The following HPSE2 variants were observed in gnomAD, a reference collection of about 807,000 sequenced individuals.
The protein encoded by HPSE2 is inactive heparanase-2.
In HPSE2, 38 loss-of-function variants were observed where a neutral mutation model predicts 60.5. The observed-to-expected ratio is 0.63, with a 90% CI of 0.48 to 0.82. HPSE2 has a LOEUF of 0.82. HPSE2 is among the 40% of genes least tolerant of loss of function. The probability of loss-of-function intolerance (pLI) is 0.00; values close to 1 mark genes in which losing one functional copy is unlikely to be tolerated. For missense variants in HPSE2, 713 were observed against 740.4 expected, an observed-to-expected ratio of 0.96 and a Z score of 0.43; for synonymous variants, 295 against 293.2, an observed-to-expected ratio of 1.01 and a Z score of -0.06.
chr10:98,872,377 G>A (rs1456029477), intron 3 of HPSE2, among the ~76,000 whole-genome samples: 1 of 152,048 alleles, frequency 6.6e-6, no homozygotes, highest in Non-Finnish European at 1.5e-5. Context: ...CAGCATTAGC[G>A]TGAGGCAGAG....
intron 9 of HPSE2, among the ~76,000 whole-genome samples, chr10:98,527,704 T>G (rs563974114): frequency 8.5e-5 from 13 of 152,332 alleles, no homozygotes; most frequent in Admixed American, 3.9e-4. Context: ...GACTCTGAGC[T>G]CCTTGAGAGT....
intron 3 of HPSE2, among the ~76,000 whole-genome samples, chr10:99,074,506 C>T: frequency 6.6e-6 from 1 of 151,956 alleles, no homozygotes; most frequent in Non-Finnish European, 1.5e-5. Flanking sequence ...GGATATTGGC[C>T]AGTAGTTTTC....
intron 3 of HPSE2, among the ~76,000 whole-genome samples, chr10:99,125,894 TA>T: frequency 6.6e-6 from 1 of 152,156 alleles, no homozygotes; most frequent in South Asian, 2.1e-4. Context: ...CAAGTAGAAT[TA>T]GGGAGGGGCT....
chr10:98,596,530 G>A (rs1245433584), intron 9 of HPSE2, among the ~76,000 whole-genome samples: 1 of 151,618 alleles, frequency 6.6e-6, no homozygotes, highest in African/African-American at 2.4e-5. Context: ...AGGTCTAGTG[G>A]TAATAATGAA....
intron 3 of HPSE2, among the ~76,000 whole-genome samples, chr10:98,837,735 G>A (rs371338898): frequency 2.6e-5 from 4 of 152,088 alleles, no homozygotes; most frequent in African/African-American, 7.2e-5. Context: ...TTAGCCGGGC[G>A]TGGTGGCGGG....
intron 9 of HPSE2, among the ~76,000 whole-genome samples, chr10:98,544,199 T>G (rs558319096): frequency 6.6e-6 from 1 of 152,130 alleles, no homozygotes; most frequent in African/African-American, 2.4e-5. Context: ...CTCAAGTACA[T>G]GGAAGCTGAA....
intron 3 of HPSE2, among the ~76,000 whole-genome samples, chr10:99,012,032 T>C (rs1290438608): frequency 2.0e-5 from 3 of 151,886 alleles, no homozygotes; most frequent in Non-Finnish European, 2.9e-5. Flanking sequence ...TCAGAAAACA[T>C]ACCTTACTTT....
At chr10:98,715,888 G>C (rs569566748) in intron 5 of HPSE2, among the ~76,000 whole-genome samples, 31 of 151,944 alleles carry the variant, frequency 2.0e-4, no homozygotes, top group African/African-American at 7.2e-4. Context: ...AAAACAACAG[G>C]GATGTTTGCC....
chr10:98,462,325 T>C (rs903182181), intron 11 of HPSE2, among the ~76,000 whole-genome samples: 10 of 152,100 alleles, frequency 6.6e-5, no homozygotes, highest in Non-Finnish European at 2.9e-5. Flanking sequence ...ACTACAGGCA[T>C]GTGCCACCAC....
At chr10:98,653,275 GTTAAGT>G (rs972294317) in intron 6 of HPSE2, among the ~76,000 whole-genome samples, 2 of 151,992 alleles carry the variant, frequency 1.3e-5, no homozygotes, top group Non-Finnish European at 1.5e-5. Context: ...GCAACATATG[GTTAAGT>G]TTGTTTTTAT....
intron 3 of HPSE2, among the ~76,000 whole-genome samples, chr10:98,977,949 C>CTA (rs1956123024): frequency 9.5e-6 from 1 of 104,904 alleles, no homozygotes; most frequent in Non-Finnish European, 2.4e-5. Flanking sequence ...TTTTATATAC[C>CTA]CATGATTATA....
chr10:98,694,050 G>T, intron 5 of HPSE2, 103 bp from the exon 6 acceptor site: 1 of 941,006 alleles, frequency 1.1e-6, no homozygotes, highest in Non-Finnish European at 1.7e-6. Flanking sequence ...TCCTTAAGCA[G>T]GTATGCTTTC....
Position 99,123,489 on chromosome 10 carries a change from G to A in HPSE2, c.610+20749C>T, listed in dbSNP as rs914769015. Reference sequence around the variant, plus strand: ...TTAAAAACAGCACTAAAGGCAGAGCGTGGTTTCAGCTCTTCTCTCCTTATC... The same window carrying A: ...TTAAAAACAGCACTAAAGGCAGAGCATGGTTTCAGCTCTTCTCTCCTTATC... On this transcript the variant is annotated intron_variant, in intron 3 of 11. Transcript: ENST00000370552. Among the ~76,000 whole-genome samples, 27 of 152,204 alleles carry A rather than the reference G, an allele frequency of 1.8e-4. 1 individual carries two copies. Among genetic ancestry groups the A allele is most frequent in the African/African-American group, 4.3e-4 (18 of 41,452 alleles).
At chr10:99,113,556 TA>T (rs1259022029) in intron 3 of HPSE2, among the ~76,000 whole-genome samples, 4 of 152,186 alleles carry the variant, frequency 2.6e-5, no homozygotes, top group Non-Finnish European at 5.9e-5. Context: ...AATTTTAAAT[TA>T]ATCAGCTGAA....
intron 3 of HPSE2, among the ~76,000 whole-genome samples, chr10:98,898,276 T>C (rs577010710): frequency 4.6e-5 from 7 of 152,148 alleles, no homozygotes; most frequent in Non-Finnish European, 8.8e-5. Context: ...AAACCCTACA[T>C]GTGAATGTTA....
chr10:99,155,407 C>T (rs1381308179), intron 2 of HPSE2, among the ~76,000 whole-genome samples: 1 of 148,886 alleles, frequency 6.7e-6, no homozygotes, highest in African/African-American at 2.4e-5. Flanking sequence ...AACTATCTCT[C>T]AGACCACAGT....
At chr10:99,275,090 T>C in the HPSE2 span, among the ~76,000 whole-genome samples, 3 of 152,224 alleles carry the variant, frequency 2.0e-5, no homozygotes, top group African/African-American at 7.2e-5. Flanking sequence ...CAAGTTACTG[T>C]AGCAAGTGAG....
chr10:98,977,012 A>G (rs1956101170), intron 3 of HPSE2, among the ~76,000 whole-genome samples: 1 of 152,188 alleles, frequency 6.6e-6, no homozygotes, highest in Non-Finnish European at 1.5e-5. Flanking sequence ...ATGCTGTAAG[A>G]GACAAGGAAT....
chr10:99,185,631 G>A (rs1024516737), intron 2 of HPSE2, among the ~76,000 whole-genome samples: 14 of 151,444 alleles, frequency 9.2e-5, no homozygotes, highest in East Asian at 3.9e-4. Context: ...AAAATTAGCC[G>A]GGCGTAGTGG....
Sources: allele counts gnomAD v4.1 joint callset (sites outside exome capture counted in the v4.1 genomes callset), GRCh38; gene constraint gnomAD v4.1.1; transcripts MANE v1.5; gene names NCBI Gene and HGNC (gene_info 2026-07-23, HGNC 2026-07-21).